PHAF1: variants seen among roughly 807,000 people sequenced by gnomAD.
The protein encoded by PHAF1 is phagophore assembly factor 1.
A neutral mutation model predicts 63.1 loss-of-function variants in PHAF1; 23 were observed. That is an observed-to-expected ratio of 0.36 (90% CI 0.26 to 0.52). The LOEUF (loss-of-function observed/expected upper bound fraction) is 0.52, where lower values mean the gene tolerates loss of function less well. Ranked by LOEUF, PHAF1 falls within the 20% of genes least tolerant of loss-of-function variation. PHAF1 has a pLI of 0.93. For missense variants in PHAF1, 427 were observed against 517.2 expected (o/e 0.83, Z 1.69); for synonymous variants, 167 against 185.0 (o/e 0.90, Z 0.79).
chr16:67,137,987 T>C (rs1451753873), intron 8 of PHAF1, among the ~76,000 whole-genome samples: 1 of 152,210 alleles, frequency 6.6e-6, no homozygotes, highest in African/African-American at 2.4e-5. Flanking sequence ...CAGTGATGCT[T>C]TTAATGCAGG....
In PHAF1 at chr16:67,110,040, G is replaced by T; in HGVS notation, c.-136G>T. 1.1e-6 allele frequency: 1 copy of T among 874,194 alleles called. No homozygotes were observed. Among genetic ancestry groups the T allele is most frequent in the African/African-American group, 1.7e-5 (1 of 59,316 alleles). The allele number at this position is 874,194 out of a possible 1,614,324, so 54.2% of individuals were successfully genotyped here. On this transcript the variant is annotated 5_prime_UTR_variant, in exon 1 of 16. Coordinates refer to ENST00000219139, the MANE Select transcript of PHAF1 (RefSeq NM_025187.5). ...GTGTTGGGCCGGTGCTGCTGCCGCT[G>T]CCGCCGGGGAGGAGGTGGAAAGCGG... is the stretch of plus-strand genomic sequence containing the variant.
Position 67,146,310 on chromosome 16 carries a change from G to T in PHAF1, c.1142G>T (p.Gly381Val). 1 of 1,614,150 alleles carries T rather than the reference G, an allele frequency of 6.2e-7. No homozygotes were observed. Among genetic ancestry groups the T allele is most frequent in the Non-Finnish European group, 8.5e-7 (1 of 1,180,020 alleles). Residue 381 changes from glycine to valine, a missense_variant, in exon 15 of 16, where the codon GGT (glycine) becomes GTT (valine). Gly to Val is a moderately radical substitution (Grantham distance 109). Coordinates refer to ENST00000219139, the MANE Select transcript of PHAF1 (RefSeq NM_025187.5). Reference sequence around the variant, plus strand: ...TCCCCAAACAACACCAACCCATTTGGTTCCACATTCTGCTTTGGTCTTCAG... The same window carrying T: ...TCCCCAAACAACACCAACCCATTTGTTTCCACATTCTGCTTTGGTCTTCAG... The part of the protein sequence containing the change: ...SSSPNNTNPF[G>V]STFCFGLQRM...
At chr16:67,144,472 C>G (rs1270835917) in intron 11 of PHAF1, 96 bp downstream of exon 11, 2 of 863,006 alleles carry the variant, frequency 2.3e-6, no homozygotes, top group African/African-American at 1.7e-5. Context: ...ACTAATTTAT[C>G]TACACCTGAA....
intron 4 of PHAF1, chr16:67,132,193 A>C (rs1032262175): frequency 5.3e-6 from 2 of 379,026 alleles, no homozygotes; most frequent in Admixed American, 4.4e-5. Context: ...TCTCTTCTCT[A>C]CCCTTTTCTT....
intron 8 of PHAF1, chr16:67,134,773 G>A (rs568801523): frequency 8.0e-6 from 4 of 502,274 alleles, no homozygotes; most frequent in African/African-American, 1.9e-5. Context: ...GTTTTTTAAC[G>A]GCACTGATCT....
At position 67,111,713 on chromosome 16, in the gene PHAF1, C is replaced by T. The variant is rs148690717; in HGVS notation, c.64+1474C>T. On this transcript the variant is annotated intron_variant, in intron 1 of 15. Transcript: ENST00000219139. ...TCGGCTCACTGCAACCTCTGCCTCC[C>T]GGGTTCAAGCAATTCTCTTGCCTCA... 2.6e-3 allele frequency among the ~76,000 whole-genome samples: 390 copies of T among 152,252 alleles called. 2 individuals are homozygous for T. Among genetic ancestry groups the T allele is most frequent in the African/African-American group, 9.0e-3 (375 of 41,550 alleles).
rs1158077543 is a variant in PHAF1 at position 67,110,121 on chromosome 16, C to G, written c.-55C>G. ...CAGCCGCTGCTTTGTCTCCTTAGCTCGGGTCCCTTCTGCGCTGCCGCAGGG... is the reference window on the plus strand; with the variant it reads ...CAGCCGCTGCTTTGTCTCCTTAGCTGGGGTCCCTTCTGCGCTGCCGCAGGG... On this transcript the variant is annotated 5_prime_UTR_variant, in exon 1 of 16. Transcript: ENST00000219139. The G allele has an allele frequency of 6.5e-7, 1 of 1,539,654 alleles. No individual in the cohort carries two copies. Among genetic ancestry groups the G allele is most frequent in the Non-Finnish European group, 8.8e-7 (1 of 1,138,464 alleles).
chr16:67,125,909 C>A, intron 2 of PHAF1, 50 bp from the exon 3 acceptor site: 1 of 1,315,246 alleles, frequency 7.6e-7, no homozygotes, highest in Non-Finnish European at 1.1e-6. Context: ...TCAGTAGGTG[C>A]TTAGTGAATA....
chr16:67,117,085 C>T (rs1054831199), intron 1 of PHAF1, among the ~76,000 whole-genome samples: 5 of 151,544 alleles, frequency 3.3e-5, no homozygotes. Flanking sequence ...AAAGTTGGAG[C>T]GCAGTGGCAC....
intron 14 of PHAF1, among the ~76,000 whole-genome samples, chr16:67,146,030 G>A (rs1275333944): frequency 6.6e-6 from 1 of 152,124 alleles, no homozygotes; most frequent in African/African-American, 2.4e-5. Flanking sequence ...GGGCCCTCTT[G>A]ACTCCTCGCC....
At chr16:67,127,521 G>A (rs768515336) in intron 3 of PHAF1, among the ~76,000 whole-genome samples, 4 of 152,186 alleles carry the variant, frequency 2.6e-5, no homozygotes, top group Non-Finnish European at 5.9e-5. Context: ...TTGGAGCCGG[G>A]TGCAGTGGCT....
At chr16:67,129,725 G>A (rs887563965) in intron 3 of PHAF1, among the ~76,000 whole-genome samples, 2 of 152,228 alleles carry the variant, frequency 1.3e-5, no homozygotes, top group Non-Finnish European at 2.9e-5. Flanking sequence ...TGGCTGCCAA[G>A]CCCTTGACAC....
At chr16:67,141,330 T>C (rs1248957797) in intron 10 of PHAF1, among the ~76,000 whole-genome samples, 1 of 151,848 alleles carries the variant, frequency 6.6e-6, no homozygotes, top group East Asian at 1.9e-4. Flanking sequence ...CTCCTGAGAG[T>C]AGGATGGCGG....
chr16:67,120,033 G>T, intron 1 of PHAF1, 79 bp from the exon 2 acceptor site: 1 of 1,209,662 alleles, frequency 8.3e-7, no homozygotes, highest in Non-Finnish European at 1.2e-6. Flanking sequence ...TTTACTGCAG[G>T]GACCAGTGCC....
chr16:67,127,188 C>G (rs1963227253), intron 3 of PHAF1, among the ~76,000 whole-genome samples: 1 of 152,162 alleles, frequency 6.6e-6, no homozygotes, highest in South Asian at 2.1e-4. Context: ...TTGATATACC[C>G]TGTTTACAAA....
rs1963769564 is a variant in PHAF1, at chr16:67,140,534, T to C, written c.819T>C (p.Pro273=). 8 of 1,597,592 alleles carry C rather than the reference T, an allele frequency of 5.0e-6. No individual in the cohort carries two copies. The highest frequency in any genetic ancestry group is 1.3e-5 in the African/African-American group (1 of 74,582). The change falls in exon 10 of 16, where the codon CCT becomes CCC. Residue 273 remains proline (P), a synonymous_variant. Coordinates refer to ENST00000219139, the MANE Select transcript of PHAF1 (RefSeq NM_025187.5). ...AGATGAAAATTCATTCTCCTTCCCC[T>C]CATAAACAAGTTCCATCGAAGTGTA... ...EDKMKIHSPS[P]HKQVPSKCND...
chr16:67,126,578 CTTTG>C (rs1367803570), intron 3 of PHAF1, among the ~76,000 whole-genome samples: 3 of 142,882 alleles, frequency 2.1e-5, no homozygotes, highest in African/African-American at 7.8e-5. Context: ...GTCTGGTTTT[CTTTG>C]TTTTTGTTTT....
intron 14 of PHAF1, 86 bp downstream of exon 14, chr16:67,145,714 G>C: frequency 7.0e-7 from 1 of 1,426,538 alleles, no homozygotes; most frequent in Admixed American, 2.3e-5. Flanking sequence ...AGTGGATGTT[G>C]CTTAAAAATT....
At chr16:67,115,127 C>G (rs143411108) in intron 1 of PHAF1, among the ~76,000 whole-genome samples, 5 of 152,140 alleles carry the variant, frequency 3.3e-5, no homozygotes, top group African/African-American at 9.7e-5. Flanking sequence ...CAACAGGATT[C>G]GTGGTATAGG....
Sources: allele counts gnomAD v4.1 joint callset (sites outside exome capture counted in the v4.1 genomes callset), GRCh38; gene constraint gnomAD v4.1.1; transcripts MANE v1.5; gene names NCBI Gene and HGNC (gene_info 2026-07-23, HGNC 2026-07-21).